Variants in LINGO2 observed in about 807,000 individuals in gnomAD.
The protein encoded by LINGO2 is leucine-rich repeat and immunoglobulin-like domain-containing nogo receptor-interacting protein 2.
In LINGO2, 14 loss-of-function variants were observed where a neutral mutation model predicts 30.6. That is an observed-to-expected ratio of 0.46 (90% CI 0.30 to 0.72). The LOEUF (loss-of-function observed/expected upper bound fraction) is 0.72. LINGO2 is among the 30% of genes least tolerant of loss of function. The pLI, the probability that LINGO2 is intolerant of heterozygous loss-of-function variation, is 0.07. For missense variants in LINGO2, 729 were observed against 751.7 expected (o/e 0.97, Z 0.35); for synonymous variants, 317 against 288.5 (o/e 1.10, Z -1.00).
Position 27,950,702 on chromosome 9 carries a change from C to T in LINGO2, c.-31G>A, listed in dbSNP as rs373600106. 7.5e-5 allele frequency: 111 copies of T among 1,479,486 alleles called. No individual in the cohort carries two copies. Among genetic ancestry groups the T allele is most frequent in the African/African-American group, 9.8e-5 (7 of 71,112 alleles). The allele number at this position is 1,479,486 out of a possible 1,614,324, so 91.6% of individuals were successfully genotyped here. On this transcript the variant is annotated 5_prime_UTR_variant, in exon 6 of 6. It adds an upstream start codon to the 5' untranslated region. Coordinates refer to ENST00000379992, the Ensembl canonical transcript of LINGO2. ...CACTTCTTAGTCTACACCTTGGTCA[C>T]GGGTCTGCATGGAAGGGACACAAGA... is the stretch of plus-strand genomic sequence containing the variant.
chr9:28,192,632 T>C (rs1204989292), intron 4 of LINGO2, among the ~76,000 whole-genome samples: 1 of 152,108 alleles, frequency 6.6e-6, no homozygotes, highest in Non-Finnish European at 1.5e-5. Flanking sequence ...GCAAAGTCAA[T>C]CTGTTTCTAT....
chr9:28,552,883 AT>A (rs1822382008), intron 1 of LINGO2, among the ~76,000 whole-genome samples: 1 of 150,022 alleles, frequency 6.7e-6, no homozygotes, highest in South Asian at 2.2e-4. Context: ...AGTTTCCAAC[AT>A]TAAAAAAAAA....
intron 2 of LINGO2, among the ~76,000 whole-genome samples, chr9:28,473,172 T>C (rs528825921): frequency 1.3e-4 from 20 of 149,476 alleles, no homozygotes; most frequent in Non-Finnish European, 2.5e-4. Flanking sequence ...AGTGACAAGA[T>C]TGACCATTAG....
intron 4 of LINGO2, among the ~76,000 whole-genome samples, chr9:28,125,786 T>C (rs1827219848): frequency 6.6e-6 from 1 of 152,208 alleles, no homozygotes; most frequent in African/African-American, 2.4e-5. Context: ...TGAAATACTA[T>C]AATACTGCCT....
At chr9:28,567,607 G>A (rs1302730583) in intron 1 of LINGO2, among the ~76,000 whole-genome samples, 1 of 152,032 alleles carries the variant, frequency 6.6e-6, no homozygotes, top group Non-Finnish European at 1.5e-5. Context: ...TGTACACATG[G>A]ACATAAAGAT....
At chr9:28,301,369 A>C (rs10968474) in intron 3 of LINGO2, among the ~76,000 whole-genome samples, 16,188 of 151,904 alleles carry the variant, frequency 0.11, 1,130 homozygotes, top group Middle Eastern at 0.27. Context: ...AAGTTAAAAA[A>C]AAAAAAACAA....
the LINGO2 span, among the ~76,000 whole-genome samples, chr9:28,710,549 A>C: frequency 6.6e-6 from 1 of 152,092 alleles, no homozygotes; most frequent in African/African-American, 2.4e-5. Flanking sequence ...ATAGACCCTC[A>C]TCAGCCAATG....
intron 2 of LINGO2, among the ~76,000 whole-genome samples, chr9:28,389,314 GATA>G (rs1473716724): frequency 6.6e-6 from 1 of 151,990 alleles, no homozygotes; most frequent in Non-Finnish European, 1.5e-5. Flanking sequence ...ATAAAGACAA[GATA>G]ATGTCAGAGA....
Position 28,132,257 on chromosome 9 carries a change from T to C in LINGO2, c.-86-119852A>G, listed in dbSNP as rs559015703. 7.6e-4 allele frequency among the ~76,000 whole-genome samples: 116 copies of C among 152,362 alleles called. 1 individual carries two copies. The highest frequency in any genetic ancestry group is 3.4e-3 in the Middle Eastern group (1 of 294). On this transcript the variant is annotated intron_variant, in intron 4 of 5. Transcript: ENST00000379992. ...TAGTTTATTATATTGGCTAAATTAT[T>C]GTAAGCCACCTCTAATTGTTTTGTG...
At chr9:29,004,298 C>T in the LINGO2 span, among the ~76,000 whole-genome samples, 2 of 151,794 alleles carry the variant, frequency 1.3e-5, no homozygotes, top group African/African-American at 2.4e-5. Context: ...AATCTCATAA[C>T]ATTTTATGGT....
chr9:28,274,616 T>C (rs1823052832), intron 4 of LINGO2, among the ~76,000 whole-genome samples: 1 of 152,216 alleles, frequency 6.6e-6, no homozygotes, highest in African/African-American at 2.4e-5. Flanking sequence ...TAGAATGTTA[T>C]TTCTTTGTAG....
At chr9:29,094,512 G>A in the LINGO2 span, among the ~76,000 whole-genome samples, 5 of 139,000 alleles carry the variant, frequency 3.6e-5, 1 homozygote, top group East Asian at 1.2e-3. Flanking sequence ...TTATGTGGGT[G>A]CTTAAATCTC....
At chr9:28,257,670 CT>C (rs1432096908) in intron 4 of LINGO2, among the ~76,000 whole-genome samples, 2 of 151,942 alleles carry the variant, frequency 1.3e-5, no homozygotes, top group Non-Finnish European at 2.9e-5. Context: ...CAGCAATACT[CT>C]TTGATCCACA....
At chr9:27,974,272 G>T (rs775634623) in intron 5 of LINGO2, among the ~76,000 whole-genome samples, 3 of 152,074 alleles carry the variant, frequency 2.0e-5, no homozygotes, top group Non-Finnish European at 2.9e-5. Flanking sequence ...CTCCATGATG[G>T]GTCCTCTCTA....
intron 4 of LINGO2, among the ~76,000 whole-genome samples, chr9:28,107,097 T>A (rs1563978885): frequency 6.6e-6 from 1 of 152,156 alleles, no homozygotes; most frequent in Admixed American, 6.6e-5. Context: ...CTCCAGATGG[T>A]TTCCTTGTCT....
intron 3 of LINGO2, among the ~76,000 whole-genome samples, chr9:28,342,080 G>GA (rs1825785521): frequency 6.6e-6 from 1 of 152,098 alleles, no homozygotes; most frequent in Admixed American, 6.6e-5. Flanking sequence ...TCTTCTAAGG[G>GA]ACCGTATGTT....
rs536505975 is a variant in LINGO2, at chr9:28,188,091, T to C, written c.-87+107117A>G. ...CCTGCTATTTGCTCCGGACTCTAAA[T>C]GTTTCTACTTGGCCCTTCTTTAGGC... On this transcript the variant is annotated intron_variant, in intron 4 of 5. Coordinates refer to ENST00000379992, the Ensembl canonical transcript of LINGO2. Among the ~76,000 whole-genome samples, 4 of 152,298 alleles carry C rather than the reference T, an allele frequency of 2.6e-5. No homozygotes were observed. In the East Asian group the frequency reaches 5.8e-4, roughly 22 times the overall value.
chr9:28,611,578 T>C (rs569547713), intron 1 of LINGO2, among the ~76,000 whole-genome samples: 3 of 152,306 alleles, frequency 2.0e-5, no homozygotes, highest in African/African-American at 4.8e-5. Flanking sequence ...AATACCATTC[T>C]ACTTTCTGCT....
intron 4 of LINGO2, among the ~76,000 whole-genome samples, chr9:28,097,003 T>A (rs1826261778): frequency 6.6e-6 from 1 of 152,012 alleles, no homozygotes; most frequent in Non-Finnish European, 1.5e-5. Flanking sequence ...AAATAATTGT[T>A]TTGCCTATCT....
Sources: allele counts gnomAD v4.1 joint callset (sites outside exome capture counted in the v4.1 genomes callset), GRCh38; gene constraint gnomAD v4.1.1; transcripts MANE v1.5; gene names NCBI Gene and HGNC (gene_info 2026-07-23, HGNC 2026-07-21).